The following AKAP6 variants were observed in gnomAD, a reference collection of about 807,000 sequenced individuals.
AKAP6 encodes A-kinase anchoring protein 6.
Under a neutral mutation model 188.5 loss-of-function variants are expected in AKAP6, and 58 were observed. The ratio of observed to expected loss-of-function variants is 0.31; its 90% confidence interval spans 0.25 to 0.38. The LOEUF (loss-of-function observed/expected upper bound fraction) is 0.38. Ranked by LOEUF, AKAP6 falls within the 10% of genes least tolerant of loss-of-function variation. The pLI, the probability that AKAP6 is intolerant of heterozygous loss-of-function variation, is 1.00. For synonymous variants in AKAP6, 989 were observed against 998.6 expected (o/e 0.99, Z 0.18); for missense variants, 2,710 against 2,740.0 (o/e 0.99, Z 0.24).
intron 2 of AKAP6, among the ~76,000 whole-genome samples, chr14:32,487,184 A>T (rs1169766098): frequency 6.6e-6 from 1 of 152,232 alleles, no homozygotes; most frequent in Non-Finnish European, 1.5e-5. Flanking sequence ...ATCATGGTGG[A>T]TAAGTGTTTT....
intron 1 of AKAP6, among the ~76,000 whole-genome samples, chr14:32,400,573 A>AAAAAAAAAAAAG: frequency 6.7e-6 from 1 of 149,230 alleles, no homozygotes; most frequent in Admixed American, 6.7e-5. Context: ...CAAAAAAAAA[A>AAAAAAAAAAAAG]AAAAAAGACA....
At chr14:32,741,113 G>C (rs955795375) in intron 11 of AKAP6, among the ~76,000 whole-genome samples, 1 of 150,242 alleles carries the variant, frequency 6.7e-6, no homozygotes, top group African/African-American at 2.4e-5. Context: ...TTAATTCCTG[G>C]TATTTAATTT....
rs1423283035 is a variant in AKAP6, at chr14:32,695,980, T to G, written c.2880-10T>G. On this transcript the variant is annotated splice_polypyrimidine_tract_variant and intron_variant, in intron 8 of 13. Coordinates refer to ENST00000280979, the MANE Select transcript of AKAP6 (RefSeq NM_004274.5). The stretch of plus-strand genomic sequence containing the variant: ...ATTTATGCATACTACATTTTGCGCC[T>G]TATCTTCAGGCTTCTGGACTTTGAT... The G allele has an allele frequency of 6.2e-7, 1 of 1,611,392 alleles. No homozygotes were observed. Among genetic ancestry groups the G allele is most frequent in the Non-Finnish European group, 8.5e-7 (1 of 1,179,304 alleles).
chr14:32,521,494 G>A (rs986621278), intron 2 of AKAP6, among the ~76,000 whole-genome samples: 3 of 152,144 alleles, frequency 2.0e-5, no homozygotes, highest in African/African-American at 7.2e-5. Context: ...CAAAGTCTCA[G>A]GATACAAAAT....
In AKAP6 at chr14:32,409,199, C is replaced by CA. The variant is rs558310457; in HGVS notation, c.-34-24256dup. 2.4e-3 allele frequency among the ~76,000 whole-genome samples: 365 copies of CA among 152,116 alleles called. 1 individual carries two copies. Among genetic ancestry groups the CA allele is most frequent in the African/African-American group, 5.3e-3 (222 of 41,508 alleles). On this transcript the variant is annotated intron_variant, in intron 1 of 13. Coordinates refer to ENST00000280979, the MANE Select transcript of AKAP6 (RefSeq NM_004274.5). ...TGGGCCACAGAGCAAGACTCCGTCT[C>CA]AAAAACCAAAACAAAACAAAAAAGA...
rs1157948882 is a variant in AKAP6, at chr14:32,433,589, C to A, written c.96C>A (p.Pro32=). ...DASPMAINMT[P]TVEQGEGEEA... is the part of the protein sequence containing the mutation. ...CACCCATGGCCATCAACATGACACC[C>A]ACTGTGGAGCAGGGTGAGGGAGAAG... The change falls in exon 2 of 14, where the codon CCC becomes CCA. Residue 32 remains proline (P), a synonymous_variant. Coordinates refer to ENST00000280979, the MANE Select transcript of AKAP6 (RefSeq NM_004274.5). 5 of 1,614,018 alleles carry A rather than the reference C, an allele frequency of 3.1e-6. No individual in the cohort carries two copies. In the Admixed American group the frequency reaches 6.7e-5, roughly 22 times the overall value.
intron 2 of AKAP6, among the ~76,000 whole-genome samples, chr14:32,444,981 G>A (rs1305631117): frequency 2.6e-5 from 4 of 152,190 alleles, no homozygotes; most frequent in Admixed American, 6.5e-5. Flanking sequence ...TCTTATGTAT[G>A]TATCTATGCT....
chr14:32,582,818 G>T (rs1255339564), intron 5 of AKAP6, among the ~76,000 whole-genome samples: 1 of 151,994 alleles, frequency 6.6e-6, no homozygotes, highest in Non-Finnish European at 1.5e-5. Context: ...CGTAGTTCTC[G>T]AGCCTTGGCT....
At chr14:32,453,920 A>G (rs1371841019) in intron 2 of AKAP6, among the ~76,000 whole-genome samples, 3 of 152,182 alleles carry the variant, frequency 2.0e-5, no homozygotes, top group East Asian at 1.9e-4. Context: ...CCAAATTAGA[A>G]ATAAAATCTT....
chr14:32,334,428 C>T (rs1245826080), intron 1 of AKAP6, among the ~76,000 whole-genome samples: 2 of 152,130 alleles, frequency 1.3e-5, no homozygotes, highest in African/African-American at 4.8e-5. Context: ...GATCAACTAT[C>T]TCGCTATCAT....
intron 7 of AKAP6, chr14:32,628,222 A>G (rs1486103336): frequency 6.6e-6 from 1 of 152,116 alleles, no homozygotes; most frequent in Non-Finnish European, 1.5e-5. Flanking sequence ...TCTGGTGGTA[A>G]TGACCGTAGC....
chr14:32,698,576 G>A (rs1327100995), intron 9 of AKAP6, among the ~76,000 whole-genome samples: 2 of 151,920 alleles, frequency 1.3e-5, no homozygotes, highest in Admixed American at 6.6e-5. Flanking sequence ...TTACACTACA[G>A]AACATTTACT....
chr14:32,444,483 T>C (rs1359818626), intron 2 of AKAP6, among the ~76,000 whole-genome samples: 2 of 152,218 alleles, frequency 1.3e-5, no homozygotes, highest in African/African-American at 4.8e-5. Context: ...ACTTTAACAA[T>C]GTGGCTGTTA....
intron 2 of AKAP6, among the ~76,000 whole-genome samples, chr14:32,474,721 G>A (rs956168695): frequency 5.3e-5 from 8 of 152,216 alleles, no homozygotes; most frequent in Admixed American, 6.5e-5. Flanking sequence ...TATGTTTCCA[G>A]TTCATTTGGT....
chr14:32,779,897 C>G (rs1424092248), intron 12 of AKAP6, among the ~76,000 whole-genome samples: 2 of 151,690 alleles, frequency 1.3e-5, no homozygotes, highest in East Asian at 3.9e-4. Context: ...AAAAGGGAAC[C>G]CTTGTCCACT....
At chr14:32,412,974 C>T (rs1889536373) in intron 1 of AKAP6, among the ~76,000 whole-genome samples, 1 of 152,110 alleles carries the variant, frequency 6.6e-6, no homozygotes, top group South Asian at 2.1e-4. Context: ...TAATCAATCT[C>T]ACCATGTGCC....
intron 2 of AKAP6, among the ~76,000 whole-genome samples, chr14:32,457,145 T>A (rs930693042): frequency 1.3e-5 from 2 of 152,170 alleles, no homozygotes; most frequent in Non-Finnish European, 2.9e-5. Context: ...CATTTCTGAA[T>A]AAATTTAATT....
rs1234872752 is a variant in AKAP6 at position 32,835,835 on chromosome 14, A to C, written c.*6030A>C. The C allele has an allele frequency of 6.6e-6, 1 of 152,228 alleles. No individual in the cohort carries two copies. The highest frequency in any genetic ancestry group is 1.5e-5 in the Non-Finnish European group (1 of 68,044). The allele number at this position is 152,228 out of a possible 1,614,324, so 9.4% of individuals were successfully genotyped here. ...GAACGTTCAAGGAAACCGTATAGCC[A>C]CTTCTTTTTTAAAAGCAGCCACATA... On this transcript the variant is annotated 3_prime_UTR_variant, in exon 14 of 14. Coordinates refer to ENST00000280979, the MANE Select transcript of AKAP6 (RefSeq NM_004274.5).
intron 7 of AKAP6, among the ~76,000 whole-genome samples, chr14:32,633,620 A>G (rs1887367852): frequency 6.6e-6 from 1 of 152,098 alleles, no homozygotes; most frequent in African/African-American, 2.4e-5. Context: ...CTTCTGACAC[A>G]AGAATAGCAT....
Sources: allele counts gnomAD v4.1 joint callset (sites outside exome capture counted in the v4.1 genomes callset), GRCh38; gene constraint gnomAD v4.1.1; transcripts MANE v1.5; gene names NCBI Gene and HGNC (gene_info 2026-07-23, HGNC 2026-07-21).